Variants in DGKB observed in about 807,000 individuals in gnomAD.
The protein encoded by DGKB is 90 kDa diacylglycerol kinase.
DGKB carries 67 observed loss-of-function variants against 114.3 expected under a neutral mutation model. The ratio of observed to expected loss-of-function variants is 0.59; its 90% confidence interval spans 0.48 to 0.72. The LOEUF (loss-of-function observed/expected upper bound fraction) is 0.72, where lower values mean the gene tolerates loss of function less well. Among genes scored for constraint, DGKB ranks in the 30% least tolerant of loss-of-function variants. DGKB has a pLI of 0.00. For synonymous variants in DGKB, 398 were observed against 323.1 expected, an observed-to-expected ratio of 1.23 and a Z score of -2.49; for missense variants, 907 against 975.2, an observed-to-expected ratio of 0.93 and a Z score of 0.93.
intron 1 of DGKB, among the ~76,000 whole-genome samples, chr7:14,919,629 A>G (rs1278463127): frequency 6.6e-6 from 1 of 152,224 alleles, no homozygotes; most frequent in Non-Finnish European, 1.5e-5. Flanking sequence ...CAAAAAGATA[A>G]GTAAACTATG....
At chr7:14,573,477 G>T (rs1010408602) in intron 20 of DGKB, among the ~76,000 whole-genome samples, 12 of 143,276 alleles carry the variant, frequency 8.4e-5, no homozygotes, top group African/African-American at 2.3e-4. Context: ...CTGTGTGTGT[G>T]TGTGTGTGTG....
intron 20 of DGKB, among the ~76,000 whole-genome samples, chr7:14,509,484 T>C (rs972448643): frequency 3.3e-5 from 5 of 152,180 alleles, no homozygotes; most frequent in Admixed American, 2.6e-4. Context: ...CCCATTTCAG[T>C]CCTGATAAGT....
At chr7:14,649,503 C>T (rs1175663888) in intron 13 of DGKB, among the ~76,000 whole-genome samples, 1 of 151,912 alleles carries the variant, frequency 6.6e-6, no homozygotes, top group Non-Finnish European at 1.5e-5. Flanking sequence ...AAGCACTAAA[C>T]ATGGAAAGGA....
chr7:14,806,226 T>C (rs1488898682), intron 2 of DGKB, among the ~76,000 whole-genome samples: 1 of 152,048 alleles, frequency 6.6e-6, no homozygotes, highest in Non-Finnish European at 1.5e-5. Flanking sequence ...TATGTTGTGA[T>C]GTTTATAAAG....
intron 1 of DGKB, among the ~76,000 whole-genome samples, chr7:14,940,800 T>G (rs1318994565): frequency 6.6e-6 from 1 of 152,138 alleles, no homozygotes; most frequent in African/African-American, 2.4e-5. Flanking sequence ...ATTTTTTGTG[T>G]TATTATTCTA....
intron 1 of DGKB, among the ~76,000 whole-genome samples, chr7:14,852,487 C>CAAAAAAAAAAAAAAAAAAACAAAAA: frequency 1.6e-5 from 1 of 63,634 alleles, no homozygotes; most frequent in African/African-American, 6.7e-5. Flanking sequence ...TAGTGAAAGT[C>CAAAAAAAAAAAAAAAAAAACAAAAA]AAAAAAAAAA....
chr7:14,695,494 C>CTCT (rs1823671843), intron 8 of DGKB, among the ~76,000 whole-genome samples: 7 of 75,160 alleles, frequency 9.3e-5, no homozygotes, highest in African/African-American at 4.1e-4. Flanking sequence ...CTCTCTCTCT[C>CTCT]TTTTTTTTTT....
At chr7:14,674,045 A>G (rs1173459661) in intron 12 of DGKB, among the ~76,000 whole-genome samples, 1 of 152,146 alleles carries the variant, frequency 6.6e-6, no homozygotes, top group Non-Finnish European at 1.5e-5. Flanking sequence ...TAGGAGTCTA[A>G]TGAGAGTTGA....
At chr7:14,554,471 T>A (rs932183974) in intron 20 of DGKB, among the ~76,000 whole-genome samples, 2 of 152,220 alleles carry the variant, frequency 1.3e-5, no homozygotes, top group African/African-American at 4.8e-5. Context: ...TGTCTTTAAA[T>A]ATGCTTTGTG....
At chr7:14,249,729 T>A (rs144669600) in intron 23 of DGKB, among the ~76,000 whole-genome samples, 3,854 of 152,222 alleles carry the variant, frequency 0.025, 144 homozygotes, top group African/African-American at 0.088. Flanking sequence ...CTCTTTTTTA[T>A]CCTAGTCTAA....
intron 1 of DGKB, among the ~76,000 whole-genome samples, chr7:14,973,753 C>T (rs1424891445): frequency 6.7e-6 from 1 of 149,058 alleles, no homozygotes; most frequent in Non-Finnish European, 1.5e-5. Flanking sequence ...TGACGCATAA[C>T]AGTCACATTG....
At chr7:14,906,456 T>G (rs1308166874), upstream of DGKB, among the ~76,000 whole-genome samples, 2 of 86,700 alleles carry the variant, frequency 2.3e-5, no homozygotes, top group Non-Finnish European at 3.8e-5. Flanking sequence ...TCTTTTTTTT[T>G]TTTTTTTTTT....
chr7:14,544,986 GTTT>G (rs901188473), intron 20 of DGKB, among the ~76,000 whole-genome samples: 3 of 144,494 alleles, frequency 2.1e-5, no homozygotes, highest in African/African-American at 5.1e-5. Flanking sequence ...ATGCCAAAAT[GTTT>G]TTTTTTTTAA....
chr7:14,824,430 A>T (rs1408411276), intron 2 of DGKB, among the ~76,000 whole-genome samples: 1 of 152,186 alleles, frequency 6.6e-6, no homozygotes, highest in Non-Finnish European at 1.5e-5. Flanking sequence ...AGAGAAATAG[A>T]AATAAGTGAG....
intron 13 of DGKB, among the ~76,000 whole-genome samples, chr7:14,642,510 T>C (rs1365979256): frequency 6.6e-6 from 1 of 152,192 alleles, no homozygotes; most frequent in Admixed American, 6.5e-5. Context: ...ATTGCAATAT[T>C]GTTTAGGTAC....
At chr7:14,875,209 A>T (rs931347593) in intron 1 of DGKB, among the ~76,000 whole-genome samples, 2 of 152,118 alleles carry the variant, frequency 1.3e-5, no homozygotes, top group Non-Finnish European at 2.9e-5. Context: ...TTATGAAGAA[A>T]TGAAGCTGTC....
chr7:14,964,182 C>A (rs149581405), intron 1 of DGKB, among the ~76,000 whole-genome samples: 2 of 152,014 alleles, frequency 1.3e-5, no homozygotes, highest in African/African-American at 4.8e-5. Flanking sequence ...CATAGAGTCA[C>A]AAAATGACAT....
At chr7:14,793,671 A>G (rs1841006654) in intron 2 of DGKB, among the ~76,000 whole-genome samples, 1 of 152,264 alleles carries the variant, frequency 6.6e-6, no homozygotes, top group East Asian at 1.9e-4. Flanking sequence ...GCATAAGCTG[A>G]CAGAAAAATT....
chr7:14,685,209 G>C, intron 10 of DGKB, 36 bp downstream of exon 10: 1 of 1,377,442 alleles, frequency 7.3e-7, no homozygotes, highest in Non-Finnish European at 1.0e-6. Context: ...TTCCTCACTT[G>C]AGGAGATGAT....
Sources: allele counts gnomAD v4.1 joint callset (sites outside exome capture counted in the v4.1 genomes callset), GRCh38; gene constraint gnomAD v4.1.1; transcripts MANE v1.5; gene names NCBI Gene and HGNC (gene_info 2026-07-23, HGNC 2026-07-21).